Variants in TLN1 observed in about 807,000 individuals in gnomAD.
TLN1 encodes the protein talin 1.
In TLN1, 56 loss-of-function variants were observed where a neutral mutation model predicts 292.3. The observed-to-expected ratio is 0.19, with a 90% confidence interval of 0.15 to 0.24. TLN1 has a LOEUF of 0.24. Among genes scored for constraint, TLN1 ranks in the 10% least tolerant of loss-of-function variants. The probability of loss-of-function intolerance (pLI) is 1.00; values close to 1 mark genes in which losing one functional copy is unlikely to be tolerated. For missense variants in TLN1, 2,433 were observed against 3,248.2 expected (o/e 0.75, Z 6.10); for synonymous variants, 1,119 against 1,253.7 (o/e 0.89, Z 2.27).
chr9:35,721,546 G>GT, intron 10 of TLN1, 102 bp downstream of exon 10: 2 of 1,327,734 alleles, frequency 1.5e-6, no homozygotes, highest in South Asian at 3.0e-5. Context: ...TTTTTCTGGA[G>GT]TAATACTCAG....
intron 21 of TLN1, 25 bp downstream of exon 21, chr9:35,715,034 C>T (rs1408801357): frequency 1.2e-6 from 2 of 1,612,512 alleles, no homozygotes; most frequent in Non-Finnish European, 1.7e-6. Context: ...CTCTCTCTTG[C>T]TCCTGGTGAA....
intron 1 of TLN1, among the ~76,000 whole-genome samples, chr9:35,731,563 G>T (rs1157575274): frequency 6.6e-6 from 1 of 151,508 alleles, no homozygotes; most frequent in Non-Finnish European, 1.5e-5. Context: ...CCTGATTCCT[G>T]TTGTTTGTTG....
rs776058619 is a variant in TLN1, at chr9:35,700,355, G to A, written c.6496C>T (p.Pro2166Ser). The change falls in exon 49 of 57, where the codon CCT becomes TCT. Residue 2166 changes from proline (P) to serine (S), a missense_variant. Coordinates refer to ENST00000314888, the MANE Select transcript of TLN1 (RefSeq NM_006289.4). ...TCTTCTGGGGTAGAGGTCTTGGCAG[G>A]TGGCTCTGGGGAACAGAAAACCTGT... is the stretch of plus-strand genomic sequence containing the variant. ...ELAVFCSPEP[P>S]AKTSTPEDFI... 35 of 1,602,242 alleles carry A rather than the reference G, an allele frequency of 2.2e-5. No individual in the cohort carries two copies. Among genetic ancestry groups the A allele is most frequent in the South Asian group, 1.8e-4 (16 of 90,852 alleles).
rs1195748532 is a variant in TLN1 at position 35,720,266 on chromosome 9, A to T, written c.1284-47T>A. On this transcript the variant is annotated intron_variant, in intron 12 of 56. Coordinates refer to ENST00000314888, the MANE Select transcript of TLN1 (RefSeq NM_006289.4). ...AGCTCACAGAGGACTCCTCATCTCT[A>T]CCCGTCCCACCCGGTTACACTACCT... The T allele has an allele frequency of 1.2e-5, 19 of 1,545,458 alleles. No individual in the cohort carries two copies. The South Asian group carries it at 2.3e-4, about 18-fold the overall frequency.
At chr9:35,703,741 T>C in intron 47 of TLN1, 34 bp downstream of exon 47, 1 of 1,614,216 alleles carries the variant, frequency 6.2e-7, no homozygotes, top group South Asian at 1.1e-5. Context: ...GTTAATCCAG[T>C]GCCCCTCCTG....
At chr9:35,716,298 C>T in intron 20 of TLN1, 92 bp downstream of exon 20, 1 of 1,429,470 alleles carries the variant, frequency 7.0e-7, no homozygotes, top group Non-Finnish European at 9.4e-7. Flanking sequence ...TCTGCTTTTC[C>T]TGGGTCTCCC....
Position 35,705,567 on chromosome 9 carries a change from G to A in TLN1, c.5717C>T (p.Ala1906Val). Residue 1906 changes from alanine (A) to valine (V), a missense_variant, in exon 43 of 57, where the codon GCT becomes GTT. By Grantham distance (64) the Ala-to-Val change is moderately conservative. This residue lies in a region of TLN1 where 1,384 missense variants were observed against 1,699.6 expected (regional missense o/e 0.81). Transcript: ENST00000314888. ...LASEAKPAAV[A>V]AENEEIGSHI... is the part of the protein sequence containing the mutation. Reference sequence around the variant, plus strand: ...CACGTTTACCTCTTCATTTTCAGCAGCCACCGCTGCAGGCTTGGCCTCCGA... The same window carrying A: ...CACGTTTACCTCTTCATTTTCAGCAACCACCGCTGCAGGCTTGGCCTCCGA... 1 of 1,591,838 alleles carries A rather than the reference G, an allele frequency of 6.3e-7. No individual in the cohort carries two copies. The highest frequency in any genetic ancestry group is 1.7e-5 in the Admixed American group (1 of 57,156).
rs150575780 is a variant in TLN1, at chr9:35,728,321, A to G, written c.-33-2594T>C. On this transcript the variant is annotated intron_variant, in intron 1 of 56. Coordinates refer to ENST00000314888, the MANE Select transcript of TLN1 (RefSeq NM_006289.4). ...GGAAAGAGCTTAAGACAGTCAGAAT[A>G]TAAGAGGGATGGGGGAGTAACACTC... 1.8e-4 allele frequency among the ~76,000 whole-genome samples: 27 copies of G among 152,326 alleles called. No individual in the cohort carries two copies. The East Asian group carries it at 4.8e-3, about 27-fold the overall frequency.
At chr9:35,711,231 C>A (rs1238413963) in intron 30 of TLN1, 24 bp downstream of exon 30, 1 of 1,613,984 alleles carries the variant, frequency 6.2e-7, no homozygotes. Context: ...CAGTCCAGGG[C>A]TGGGCTTCTC....
At chr9:35,716,362 C>T (rs375384626) in intron 20 of TLN1, 28 bp downstream of exon 20, 1,502 of 1,613,178 alleles carry the variant, frequency 9.3e-4, no homozygotes, top group Non-Finnish European at 1.2e-3. Flanking sequence ...AGGGTCCAGT[C>T]TGGGAGTGTG....
At position 35,697,583 on chromosome 9, in the gene TLN1, C is replaced by T. The variant is rs909261646; in HGVS notation, c.*208G>A. On this transcript the variant is annotated 3_prime_UTR_variant, in exon 57 of 57. Coordinates refer to ENST00000314888, the MANE Select transcript of TLN1 (RefSeq NM_006289.4). ...TTAATACTCTGGGGAGGGGCAGGCA[C>T]TTGGGGGGCCCTAGGGCATGAAGGC... The T allele has an allele frequency of 1.1e-5, 7 of 618,212 alleles. No individual in the cohort carries two copies. The highest frequency in any genetic ancestry group is 1.9e-5 in the Non-Finnish European group (7 of 369,898). The allele number at this position is 618,212 out of a possible 1,614,324, so 38.3% of individuals were successfully genotyped here.
rs916400496 is a variant in TLN1, at chr9:35,732,056, C to T, written c.-34+19G>A. The stretch of plus-strand genomic sequence containing the variant: ...CGCGGCCCCACCCTAAGGCCCCCGC[C>T]CGGCCCGGTCTGGCCTACCTGCGCT... On this transcript the variant is annotated intron_variant, in intron 1 of 56. Transcript: ENST00000314888. The surrounding 1 kb of genome is among the most constrained non-coding windows in gnomAD (Gnocchi z 5.1). The T allele has an allele frequency of 3.9e-5, 6 of 152,858 alleles. No individual in the cohort carries two copies. The highest frequency in any genetic ancestry group is 1.4e-4 in the African/African-American group (6 of 41,396). 9.5% of individuals were successfully genotyped at this position (152,858 alleles called of 1,614,324 possible).
chr9:35,701,786 G>C (rs985660372), intron 48 of TLN1, among the ~76,000 whole-genome samples: 40 of 152,168 alleles, frequency 2.6e-4, no homozygotes, highest in African/African-American at 8.7e-4. Flanking sequence ...TGTGGGGAAT[G>C]AGAGAAAGAG....
At chr9:35,721,869 C>G in intron 9 of TLN1, 66 bp from the exon 10 acceptor site, 1 of 1,580,348 alleles carries the variant, frequency 6.3e-7, no homozygotes, top group African/African-American at 1.3e-5. Context: ...ATGATCAGAT[C>G]AGCTTGCAGC....
Position 35,720,138 on chromosome 9 carries a change from A to G in TLN1, c.1365T>C (p.Ser455=), listed in dbSNP as rs1272061567. Residue 455 remains serine, a synonymous_variant, in exon 13 of 57, where the codon TCT becomes TCC. Coordinates refer to ENST00000314888, the MANE Select transcript of TLN1 (RefSeq NM_006289.4). The part of the protein sequence containing the change: ...GSVALPAIMR[S]GASGPENFQV... ...GGAAATTCTCAGGACCAGAGGCTCC[A>G]GAGCGCATGATGGCAGGCAGGGCCA... The G allele has an allele frequency of 1.5e-5, 24 of 1,612,736 alleles. No homozygotes were observed. The highest frequency in any genetic ancestry group is 2.0e-5 in the Non-Finnish European group (24 of 1,179,490).
chr9:35,705,910 A>G, intron 41 of TLN1, 52 bp downstream of exon 41: 1 of 1,614,058 alleles, frequency 6.2e-7, no homozygotes. Flanking sequence ...CTGTGCTTGG[A>G]GGCTCTGGCC....
At chr9:35,709,307 ACAAAAAAC>A (rs1198968521) in intron 33 of TLN1, among the ~76,000 whole-genome samples, 2 of 147,116 alleles carry the variant, frequency 1.4e-5, no homozygotes, top group African/African-American at 5.4e-5. Context: ...AAACAAACAA[ACAAAAAAC>A]CAAAAAAACA....
chr9:35,717,807 G>C lies in TLN1; in HGVS notation c.1996-21C>G, dbSNP rs1348861668. 1.3e-6 allele frequency: 2 copies of C among 1,586,562 alleles called. No individual in the cohort carries two copies. The highest frequency in any genetic ancestry group is 3.4e-5 in the Admixed American group (2 of 59,080). The stretch of plus-strand genomic sequence containing the variant: ...GCATCCTGTGAGAAAACAGCAGTTA[G>C]CATGACCTGAGATTGGGCTTGGGAT... On this transcript the variant is annotated intron_variant, in intron 17 of 56. Transcript: ENST00000314888. The surrounding 1 kb of genome is among the most constrained non-coding windows in gnomAD (Gnocchi z 4.7).
rs746258492 is a variant in TLN1, at chr9:35,714,096, G to C, written c.3121-15C>G. ...GCTTCCTGAGCCTATGATAAGAAAGGGGTTTTGGGTGTAGAAGGTCCTGCT... is the reference window on the plus strand; with the variant it reads ...GCTTCCTGAGCCTATGATAAGAAAGCGGTTTTGGGTGTAGAAGGTCCTGCT... On this transcript the variant is annotated splice_polypyrimidine_tract_variant and intron_variant, in intron 24 of 56. Transcript: ENST00000314888. The surrounding 1 kb of genome is among the most constrained non-coding windows in gnomAD (Gnocchi z 4.6). 2 of 1,613,488 alleles carry C rather than the reference G, an allele frequency of 1.2e-6. No homozygotes were observed. The highest frequency in any genetic ancestry group is 1.6e-4 in the Middle Eastern group (1 of 6,062).
Sources: gnomAD v4.1 joint callset for allele counts (sites outside exome capture counted in the v4.1 genomes callset) on GRCh38, gnomAD v4.1.1 for gene constraint, gnomAD v4.1.1 regional missense constraint, Gnocchi (gnomAD v3.1) non-coding constraint, MANE v1.5 for transcripts, NCBI Gene and HGNC (gene_info 2026-07-23, HGNC 2026-07-21) for gene names.